The following ELF2 variants were observed in gnomAD, a reference collection of about 807,000 sequenced individuals.
The protein encoded by ELF2 is ETS-related transcription factor Elf-2.
In ELF2, 11 loss-of-function variants were observed where a neutral mutation model predicts 54.8. The observed-to-expected ratio is 0.20, with a 90% confidence interval of 0.13 to 0.33. ELF2 has a LOEUF of 0.33. ELF2 is among the 10% of genes least tolerant of loss of function. ELF2 has a pLI of 1.00. For missense variants in ELF2, 513 were observed against 703.0 expected (o/e 0.73, Z 3.06); for synonymous variants, 203 against 245.1 (o/e 0.83, Z 1.61).
chr4:139,173,212 C>T (rs541329997), intron 1 of ELF2, among the ~76,000 whole-genome samples: 1 of 151,860 alleles, frequency 6.6e-6, no homozygotes, highest in Non-Finnish European at 1.5e-5. Flanking sequence ...GATAGTTTCA[C>T]GATCTATATA....
intron 4 of ELF2, 51 bp from the exon 5 acceptor site, chr4:139,073,618 T>C (rs1204375197): frequency 1.0e-6 from 1 of 989,164 alleles, no homozygotes; most frequent in South Asian, 2.4e-5. Flanking sequence ...AACACATGAC[T>C]AAAACATATT....
At chr4:139,154,693 T>C (rs1381138494) in intron 1 of ELF2, among the ~76,000 whole-genome samples, 1 of 152,202 alleles carries the variant, frequency 6.6e-6, no homozygotes, top group Non-Finnish European at 1.5e-5. Context: ...TAATGTATTT[T>C]GATAGCTTAT....
intron 1 of ELF2, among the ~76,000 whole-genome samples, chr4:139,167,170 A>C (rs759056883): frequency 2.6e-5 from 4 of 152,202 alleles, no homozygotes; most frequent in Non-Finnish European, 4.4e-5. Context: ...AAGTTCATAA[A>C]AGTTTGCTCT....
chr4:139,142,744 A>G (rs901693003), intron 1 of ELF2, among the ~76,000 whole-genome samples: 2 of 152,108 alleles, frequency 1.3e-5, no homozygotes, highest in African/African-American at 4.8e-5. Context: ...AAGTGATCAT[A>G]GCCAAGCATG....
At position 139,109,488 on chromosome 4, in the gene ELF2, TTCTA is replaced by T. The variant is rs796690883; in HGVS notation, c.238+15672_238+15675del. On this transcript the variant is annotated intron_variant, in intron 4 of 9. Transcript: ENST00000686138. ...GTCCTGCTCTAAAGGTATAAGGCTG[TTCTA>T]TAAGACATTTAGTCTTAAGAGATAA... Among the ~76,000 whole-genome samples the T allele has an allele frequency of 1.1e-4, 16 of 152,352 alleles. 1 individual carries two copies. The highest frequency in any genetic ancestry group is 3.6e-4 in the African/African-American group (15 of 41,582).
intron 1 of ELF2, among the ~76,000 whole-genome samples, chr4:139,158,023 C>A (rs765335200): frequency 5.3e-5 from 8 of 152,098 alleles, no homozygotes; most frequent in Non-Finnish European, 1.0e-4. Context: ...GTGTGAGCAA[C>A]AAGGCTGTTT....
chr4:139,061,738 A>C (rs2148662935), intron 8 of ELF2, 127 bp downstream of exon 8: 2 of 1,028,278 alleles, frequency 1.9e-6, no homozygotes, highest in South Asian at 1.9e-5. Flanking sequence ...CAAATCTAAG[A>C]AGCTCCTCTA....
At chr4:139,166,924 T>C (rs1331023370) in intron 1 of ELF2, among the ~76,000 whole-genome samples, 1 of 152,216 alleles carries the variant, frequency 6.6e-6, no homozygotes, top group African/African-American at 2.4e-5. Flanking sequence ...ATGACTTTTA[T>C]TTGAAACACT....
rs185319147 is a variant in ELF2 at position 139,120,478 on chromosome 4, C to G, written c.238+4686G>C. Reference sequence around the variant, plus strand: ...TAGAGACATGGCTCACTCTGTCACTCGGGCTGGAGCGCAGTGGTACTACAA... The same window carrying G: ...TAGAGACATGGCTCACTCTGTCACTGGGGCTGGAGCGCAGTGGTACTACAA... On this transcript the variant is annotated intron_variant, in intron 4 of 9. Coordinates refer to ENST00000686138, the MANE Select transcript of ELF2 (RefSeq NM_001331036.3). Among the ~76,000 whole-genome samples, 97 of 152,274 alleles carry G rather than the reference C, an allele frequency of 6.4e-4. 1 individual carries two copies. The highest frequency in any genetic ancestry group is 1.1e-3 in the Non-Finnish European group (77 of 68,016).
chr4:139,099,203 C>G (rs930046001), intron 4 of ELF2, among the ~76,000 whole-genome samples: 5 of 152,360 alleles, frequency 3.3e-5, no homozygotes, highest in Middle Eastern at 3.4e-3. Context: ...CTCAACCATA[C>G]CTGTCTATAT....
rs116533368 is a variant in ELF2 at position 139,080,803 on chromosome 4, A to G, written c.239-7236T>C. On this transcript the variant is annotated intron_variant, in intron 4 of 9. Transcript: ENST00000686138. Reference sequence around the variant, plus strand: ...ATGAGCCTAAATTATTAATTAGACTATATTACAGACTTAAACATATAAAGA... The same window carrying G: ...ATGAGCCTAAATTATTAATTAGACTGTATTACAGACTTAAACATATAAAGA... Among the ~76,000 whole-genome samples the G allele has an allele frequency of 1.1e-3, 164 of 152,222 alleles. 1 individual carries two copies. The highest frequency in any genetic ancestry group is 3.8e-3 in the African/African-American group (160 of 41,564).
intron 4 of ELF2, among the ~76,000 whole-genome samples, chr4:139,099,250 A>C (rs529634881): frequency 6.6e-6 from 1 of 152,350 alleles, no homozygotes; most frequent in Admixed American, 6.5e-5. Context: ...AACGAGCAGT[A>C]AACTACATTG....
Position 139,125,268 on chromosome 4 carries a change from A to G in ELF2, c.134T>C (p.Leu45Ser), listed in dbSNP as rs878916037. ...AACCTGGGCTGCATAGCCCTGCTCTAATCTGGCACTTGGAACTGGCTCCAC... is the reference window on the plus strand; with the variant it reads ...AACCTGGGCTGCATAGCCCTGCTCTGATCTGGCACTTGGAACTGGCTCCAC... ...VIVEPVPSAR[L>S]EQGYAAQVLV... The change falls in exon 4 of 10, where the codon TTA (leucine) becomes TCA (serine). Residue 45 changes from leucine (L) to serine (S), a missense_variant. Leu to Ser is a moderately radical substitution (Grantham distance 145). Transcript: ENST00000686138. 1 of 1,613,858 alleles carries G rather than the reference A, an allele frequency of 6.2e-7. No individual in the cohort carries two copies. Among genetic ancestry groups the G allele is most frequent in the South Asian group, 1.1e-5 (1 of 91,048 alleles).
chr4:139,059,498 T>G lies in ELF2; in HGVS notation c.1267A>C (p.Thr423Pro). 6.2e-7 allele frequency: 1 copy of G among 1,613,968 alleles called. No homozygotes were observed. The highest frequency in any genetic ancestry group is 8.5e-7 in the Non-Finnish European group (1 of 1,179,866). ...VNAGAPLITS[T>P]SPTTATSPKV... is the part of the protein sequence containing the mutation. Reference sequence around the variant, plus strand: ...GGAGAGGTCGCTGTTGTTGGACTAGTGCTGGTTATTAATGGTGCACCTGCA... The same window carrying G: ...GGAGAGGTCGCTGTTGTTGGACTAGGGCTGGTTATTAATGGTGCACCTGCA... Residue 423 changes from threonine to proline, a missense_variant, in exon 10 of 10, where the codon ACT becomes CCT. Coordinates refer to ENST00000686138, the MANE Select transcript of ELF2 (RefSeq NM_001331036.3).
intron 4 of ELF2, chr4:139,115,038 C>T (rs545718649): frequency 1.2e-6 from 2 of 1,613,884 alleles, no homozygotes; most frequent in East Asian, 2.2e-5. Flanking sequence ...GCTCCTTGAC[C>T]GTGGCAGCCC....
At chr4:139,089,081 A>G (rs1359537725) in intron 4 of ELF2, among the ~76,000 whole-genome samples, 1 of 152,198 alleles carries the variant, frequency 6.6e-6, no homozygotes, top group East Asian at 1.9e-4. Context: ...CTATTTCTAT[A>G]CTGATTCAAA....
intron 7 of ELF2, chr4:139,066,850 CCT>C: frequency 6.6e-6 from 1 of 152,094 alleles, no homozygotes; most frequent in East Asian, 1.9e-4. Flanking sequence ...GCATTCTAGC[CCT>C]GTCTGTAAAA....
At chr4:139,175,616 C>T (rs1425714577) in intron 1 of ELF2, among the ~76,000 whole-genome samples, 1 of 152,238 alleles carries the variant, frequency 6.6e-6, no homozygotes, top group African/African-American at 2.4e-5. Context: ...AAGCATACAT[C>T]CTTCCGTGAT....
Position 139,071,900 on chromosome 4 carries a change from T to A in ELF2, c.492A>T (p.Ser164=). 1 of 1,606,898 alleles carries A rather than the reference T, an allele frequency of 6.2e-7. No individual in the cohort carries two copies. The highest frequency in any genetic ancestry group is 1.1e-5 in the South Asian group (1 of 89,084). ...EPMDTSPIPT[S]PDSHEPMKKK... is the part of the protein sequence containing the mutation. ...TTTTCATTGGTTCATGGCTATCTGG[T>A]GATGTTGGAATAGGAGAGGTATCCA... The change falls in exon 6 of 10, where the codon TCA becomes TCT. Residue 164 remains serine, a synonymous_variant. Transcript: ENST00000686138.
Sources: gnomAD v4.1 joint callset for allele counts (sites outside exome capture counted in the v4.1 genomes callset) on GRCh38, gnomAD v4.1.1 for gene constraint, MANE v1.5 for transcripts, NCBI Gene and HGNC (gene_info 2026-07-23, HGNC 2026-07-21) for gene names.